THSD4: variants seen among roughly 807,000 people sequenced by gnomAD.
THSD4 encodes the protein thrombospondin type 1 domain containing 4, also known as thrombospondin type-1 domain-containing protein 4.
Under a neutral mutation model 119.0 loss-of-function variants are expected in THSD4, and 69 were observed. The observed-to-expected ratio is 0.58, with a 90% CI of 0.48 to 0.71. The LOEUF (loss-of-function observed/expected upper bound fraction) is 0.71, where lower values mean the gene tolerates loss of function less well. Among genes scored for constraint, THSD4 ranks in the 30% least tolerant of loss-of-function variants. The probability of loss-of-function intolerance (pLI) is 0.00; values close to 1 mark genes in which losing one functional copy is unlikely to be tolerated. For missense variants in THSD4, 1,393 were observed against 1,391.1 expected (o/e 1.00, Z -0.02); for synonymous variants, 524 against 540.4 (o/e 0.97, Z 0.42).
At chr15:71,391,764 T>C (rs919685092) in intron 6 of THSD4, among the ~76,000 whole-genome samples, 1 of 152,166 alleles carries the variant, frequency 6.6e-6, no homozygotes, top group African/African-American at 2.4e-5. Flanking sequence ...TGGCTGATGA[T>C]TGAACTGCAG....
chr15:71,504,892 G>A (rs1028313472), intron 7 of THSD4, among the ~76,000 whole-genome samples: 2 of 152,098 alleles, frequency 1.3e-5, no homozygotes, highest in African/African-American at 4.8e-5. Context: ...GTCTCTTCTG[G>A]CCTGTCCTAA....
chr15:71,158,491 C>G (rs767105910), intron 3 of THSD4, among the ~76,000 whole-genome samples: 6 of 152,098 alleles, frequency 3.9e-5, no homozygotes, highest in Non-Finnish European at 5.9e-5. Context: ...GATAGCTGTT[C>G]TAACTGGAGG....
intron 2 of THSD4, among the ~76,000 whole-genome samples, chr15:71,151,888 A>G (rs1198613476): frequency 1.3e-5 from 2 of 152,212 alleles, no homozygotes; most frequent in Non-Finnish European, 2.9e-5. Context: ...CAGTAGCATC[A>G]CCATCTAGAC....
In THSD4 at chr15:71,720,227, T is replaced by C. The variant is rs552483309; in HGVS notation, c.1358-8322T>C. Among the ~76,000 whole-genome samples the C allele has an allele frequency of 1.9e-3, 291 of 151,876 alleles. 3 individuals are homozygous for C. The highest frequency in any genetic ancestry group is 5.9e-5 in the Non-Finnish European group (4 of 67,956). On this transcript the variant is annotated intron_variant, in intron 8 of 17. Coordinates refer to ENST00000261862, the MANE Select transcript of THSD4 (RefSeq NM_024817.3). ...CACCACTCCTGGCTAATTTTTTTACTTTAGATAGAGACAAGGTCTCCCTAT... is the reference window on the plus strand; with the variant it reads ...CACCACTCCTGGCTAATTTTTTTACCTTAGATAGAGACAAGGTCTCCCTAT...
intron 11 of THSD4, among the ~76,000 whole-genome samples, chr15:71,741,684 TACACACACACAC>T (rs56080459): frequency 0.086 from 12,583 of 145,564 alleles, 597 homozygotes; most frequent in Non-Finnish European, 0.12. Context: ...TGTGTGCATG[TACACACACACAC>T]ACACACACAC....
At chr15:71,619,960 A>C (rs917332094) in intron 7 of THSD4, among the ~76,000 whole-genome samples, 1 of 152,242 alleles carries the variant, frequency 6.6e-6, no homozygotes, top group African/African-American at 2.4e-5. Flanking sequence ...AGCCTAGAAG[A>C]CTAGAGTTAC....
intron 7 of THSD4, among the ~76,000 whole-genome samples, chr15:71,567,173 C>T (rs1264287098): frequency 1.3e-5 from 2 of 152,120 alleles, no homozygotes; most frequent in Non-Finnish European, 2.9e-5. Flanking sequence ...AGAGGCAGCA[C>T]GTTGCAATCA....
intron 5 of THSD4, among the ~76,000 whole-genome samples, chr15:71,243,827 C>T (rs1325118631): frequency 7.3e-6 from 1 of 137,238 alleles, no homozygotes; most frequent in African/African-American, 2.7e-5. Context: ...CTCTGTCACC[C>T]AGGCTGGAGC....
chr15:71,686,018 G>A (rs1037382829), intron 8 of THSD4, among the ~76,000 whole-genome samples: 3 of 152,128 alleles, frequency 2.0e-5, no homozygotes, highest in Non-Finnish European at 2.9e-5. Context: ...AGAGAATGCA[G>A]AGTTCCCATG....
intron 7 of THSD4, among the ~76,000 whole-genome samples, chr15:71,639,799 A>C (rs1008028792): frequency 6.6e-6 from 1 of 151,740 alleles, no homozygotes; most frequent in Non-Finnish European, 1.5e-5. Flanking sequence ...GATTTCTTAC[A>C]GGATGGCCTA....
At chr15:71,213,812 G>C (rs553887715) in intron 3 of THSD4, among the ~76,000 whole-genome samples, 8 of 152,234 alleles carry the variant, frequency 5.3e-5, no homozygotes, top group African/African-American at 1.9e-4. Context: ...ACAAATATTT[G>C]TTTAGTGCCA....
chr15:71,543,443 A>T (rs1337008610), intron 7 of THSD4, among the ~76,000 whole-genome samples: 1 of 152,198 alleles, frequency 6.6e-6, no homozygotes, highest in African/African-American at 2.4e-5. Context: ...GGGGCCATAG[A>T]CCTGTTGGGG....
At chr15:71,549,562 C>T (rs1382256951) in intron 7 of THSD4, 1 of 152,176 alleles carries the variant, frequency 6.6e-6, no homozygotes, top group Non-Finnish European at 1.5e-5. Context: ...TTATTTATAA[C>T]AGCCTCTTTT....
At chr15:71,273,309 A>G (rs530363244) in intron 6 of THSD4, among the ~76,000 whole-genome samples, 45 of 152,348 alleles carry the variant, frequency 3.0e-4, no homozygotes, top group African/African-American at 1.1e-3. Flanking sequence ...TGAATATTAG[A>G]TGATCTCACT....
At chr15:71,267,923 A>T (rs1325960370) in intron 6 of THSD4, among the ~76,000 whole-genome samples, 2 of 152,216 alleles carry the variant, frequency 1.3e-5, no homozygotes, top group Admixed American at 1.3e-4. Context: ...TCCTAAATAT[A>T]TATGCACCCA....
chr15:71,214,323 G>A (rs1034901884), intron 3 of THSD4, among the ~76,000 whole-genome samples: 1 of 152,230 alleles, frequency 6.6e-6, no homozygotes, highest in Non-Finnish European at 1.5e-5. Context: ...TGCTGTGGAA[G>A]CTTTGTTCTT....
chr15:71,410,856 A>G (rs2046677291), intron 6 of THSD4, among the ~76,000 whole-genome samples: 1 of 151,766 alleles, frequency 6.6e-6, no homozygotes. Flanking sequence ...ACATGGTGAA[A>G]CCCTGTCACT....
At chr15:71,387,649 A>G (rs2046312438) in intron 6 of THSD4, among the ~76,000 whole-genome samples, 1 of 152,196 alleles carries the variant, frequency 6.6e-6, no homozygotes, top group African/African-American at 2.4e-5. Context: ...TGAAGATACA[A>G]CTTTCATCCC....
At chr15:71,250,174 A>G (rs901567093) in intron 5 of THSD4, among the ~76,000 whole-genome samples, 7 of 152,112 alleles carry the variant, frequency 4.6e-5, no homozygotes, top group African/African-American at 1.7e-4. Context: ...ATTACTGTCA[A>G]CACCTCACAC....
Sources: allele counts gnomAD v4.1 joint callset (sites outside exome capture counted in the v4.1 genomes callset), GRCh38; gene constraint gnomAD v4.1.1; transcripts MANE v1.5; gene names NCBI Gene and HGNC (gene_info 2026-07-23, HGNC 2026-07-21).